RAI14: variants seen among roughly 807,000 people sequenced by gnomAD.
RAI14 encodes retinoic acid induced 14, also known as ankycorbin.
A neutral mutation model predicts 115.4 loss-of-function variants in RAI14; 45 were observed. The ratio of observed to expected loss-of-function variants is 0.39; its 90% CI spans 0.31 to 0.50. The LOEUF is 0.50. RAI14 is among the 20% of genes least tolerant of loss of function. RAI14 has a pLI of 0.85. For missense variants in RAI14, 939 were observed against 1,131.2 expected, an observed-to-expected ratio of 0.83 and a Z score of 2.44; for synonymous variants, 371 against 415.4, an observed-to-expected ratio of 0.89 and a Z score of 1.30.
At chr5:34,816,123 T>A (rs1266024559) in intron 12 of RAI14, among the ~76,000 whole-genome samples, 2 of 152,152 alleles carry the variant, frequency 1.3e-5, no homozygotes, top group Non-Finnish European at 2.9e-5. Context: ...CTGGCGCAAT[T>A]TGAATAAAGT....
intron 2 of RAI14, among the ~76,000 whole-genome samples, chr5:34,701,508 A>G (rs1740065404): frequency 6.6e-6 from 1 of 152,184 alleles, no homozygotes; most frequent in African/African-American, 2.4e-5. Flanking sequence ...CTTAACCTGA[A>G]TGTTCCCTTT....
chr5:34,812,267 G>C, intron 10 of RAI14, 59 bp downstream of exon 10: 1 of 1,463,978 alleles, frequency 6.8e-7, no homozygotes, highest in Non-Finnish European at 9.4e-7. Context: ...ATTTAAAAAT[G>C]TTCAGATTTA....
intron 1 of RAI14, chr5:34,686,517 ATAAG>A (rs1744894168): frequency 1.3e-5 from 2 of 155,222 alleles, no homozygotes; most frequent in South Asian, 2.0e-4. Flanking sequence ...CAGTGAAATA[ATAAG>A]TATGTGAGGC....
intron 1 of RAI14, chr5:34,667,240 G>A (rs960643790): frequency 5.9e-5 from 9 of 152,086 alleles, no homozygotes; most frequent in African/African-American, 2.2e-4. Context: ...AAATGTTCAC[G>A]TTTCTCTTTT....
At chr5:34,769,884 A>G (rs1279041355) in intron 3 of RAI14, among the ~76,000 whole-genome samples, 2 of 151,986 alleles carry the variant, frequency 1.3e-5, no homozygotes, top group Admixed American at 6.6e-5. Flanking sequence ...GTGCCACAAT[A>G]CTTAGCTAAT....
At chr5:34,735,750 G>T (rs990399336) in intron 2 of RAI14, among the ~76,000 whole-genome samples, 2 of 152,274 alleles carry the variant, frequency 1.3e-5, no homozygotes, top group East Asian at 3.9e-4. Flanking sequence ...AATTCGGCAG[G>T]GTTTATTTAA....
intron 2 of RAI14, among the ~76,000 whole-genome samples, chr5:34,724,718 T>C (rs1268414577): frequency 6.6e-6 from 1 of 152,198 alleles, no homozygotes; most frequent in Non-Finnish European, 1.5e-5. Context: ...TGCCTTGGTG[T>C]CTTAACCTGT....
chr5:34,731,907 G>A (rs763724505), intron 2 of RAI14, among the ~76,000 whole-genome samples: 3 of 152,180 alleles, frequency 2.0e-5, no homozygotes, highest in Non-Finnish European at 4.4e-5. Flanking sequence ...GCGGCCAGGG[G>A]GCCATGTGCT....
At chr5:34,665,198 T>TACATATATATATATATAC (rs1554037662) in intron 1 of RAI14, among the ~76,000 whole-genome samples, 2 of 75,718 alleles carry the variant, frequency 2.6e-5, no homozygotes, top group African/African-American at 5.0e-5. Flanking sequence ...TGTATATATA[T>TACATATATATATATATAC]ACACACACCA....
At chr5:34,728,488 G>T (rs886894131) in intron 2 of RAI14, 2 of 152,152 alleles carry the variant, frequency 1.3e-5, no homozygotes, top group Non-Finnish European at 1.5e-5. Flanking sequence ...TCACGGGGCG[G>T]TTTTTCCTGT....
intron 2 of RAI14, among the ~76,000 whole-genome samples, chr5:34,691,688 G>T (rs894731009): frequency 1.3e-5 from 2 of 152,094 alleles, no homozygotes; most frequent in African/African-American, 4.8e-5. Flanking sequence ...GTGATCGAGG[G>T]CTTCACGGTT....
At chr5:34,668,657 C>T (rs2149851557) in intron 1 of RAI14, among the ~76,000 whole-genome samples, 1 of 151,678 alleles carries the variant, frequency 6.6e-6, no homozygotes, top group East Asian at 1.9e-4. Flanking sequence ...TTGAGAAAAA[C>T]ATTTCACATT....
chr5:34,808,516 G>C (rs1755186946), intron 6 of RAI14, 68 bp from the exon 7 acceptor site: 3 of 1,392,716 alleles, frequency 2.2e-6, no homozygotes, highest in Admixed American at 3.4e-5. Context: ...CCTTCCTGAA[G>C]TATCTGATAC....
intron 3 of RAI14, among the ~76,000 whole-genome samples, chr5:34,782,999 T>G (rs1432571144): frequency 6.6e-6 from 1 of 152,184 alleles, no homozygotes; most frequent in Non-Finnish European, 1.5e-5. Context: ...GCCTCAATTA[T>G]AGGAGCAGAT....
At chr5:34,723,118 A>C (rs1033868913) in intron 2 of RAI14, among the ~76,000 whole-genome samples, 2 of 149,828 alleles carry the variant, frequency 1.3e-5, no homozygotes, top group Non-Finnish European at 3.0e-5. Flanking sequence ...AAAAAAAAAA[A>C]CCCACTTCAT....
chr5:34,718,621 C>T (rs1742280125), intron 2 of RAI14, among the ~76,000 whole-genome samples: 1 of 152,218 alleles, frequency 6.6e-6, no homozygotes, highest in Non-Finnish European at 1.5e-5. Context: ...GGCCAAAGCC[C>T]CCAGGTTGGG....
At chr5:34,680,586 T>C (rs999167282) in intron 1 of RAI14, among the ~76,000 whole-genome samples, 10 of 152,190 alleles carry the variant, frequency 6.6e-5, no homozygotes, top group Non-Finnish European at 1.3e-4. Context: ...ACACCATAGC[T>C]TACGGGACCA....
In RAI14 at chr5:34,824,015, G is replaced by C; in HGVS notation, c.2173G>C (p.Glu725Gln). Reference sequence around the variant, plus strand: ...CAAACAACTGGTGGATGCACAAAAAGAGAACTCTGTCTCTATCACAGAACA... The same window carrying C: ...CAAACAACTGGTGGATGCACAAAAACAGAACTCTGTCTCTATCACAGAACA... ...QLKQLVDAQK[E>Q]NSVSITEHLQ... is the part of the protein sequence containing the mutation. The change falls in exon 15 of 18, where the codon GAG becomes CAG. Residue 725 changes from glutamate to glutamine, a missense_variant. By Grantham distance (29) the Glu-to-Gln change is conservative. Transcript: ENST00000265109. The C allele has an allele frequency of 2.5e-6, 4 of 1,614,038 alleles. No homozygotes were observed. The highest frequency in any genetic ancestry group is 3.4e-6 in the Non-Finnish European group (4 of 1,179,908).
intron 1 of RAI14, among the ~76,000 whole-genome samples, chr5:34,678,605 G>A (rs1744167537): frequency 6.6e-6 from 1 of 152,204 alleles, no homozygotes; most frequent in African/African-American, 2.4e-5. Context: ...CACGAAGAAA[G>A]GCCTCAGAAG....
Sources: allele counts gnomAD v4.1 joint callset (sites outside exome capture counted in the v4.1 genomes callset), GRCh38; gene constraint gnomAD v4.1.1; transcripts MANE v1.5; gene names NCBI Gene and HGNC (gene_info 2026-07-23, HGNC 2026-07-21).